TRAPPC9: variants seen among roughly 807,000 people sequenced by gnomAD.
TRAPPC9 encodes the protein IKK2 binding protein.
Under a neutral mutation model 124.0 loss-of-function variants are expected in TRAPPC9, and 83 were observed. That is an observed-to-expected ratio of 0.67 (90% CI 0.56 to 0.80). The LOEUF (loss-of-function observed/expected upper bound fraction) is 0.80. Among genes scored for constraint, TRAPPC9 ranks in the 30% least tolerant of loss-of-function variants. The pLI is 0.00. For missense variants in TRAPPC9, 1,302 were observed against 1,508.3 expected (o/e 0.86, Z 2.27); for synonymous variants, 638 against 617.5 (o/e 1.03, Z -0.49).
intron 17 of TRAPPC9, among the ~76,000 whole-genome samples, chr8:140,193,355 G>T (rs2062541114): frequency 6.6e-6 from 1 of 152,082 alleles, no homozygotes; most frequent in Non-Finnish European, 1.5e-5. Flanking sequence ...TCATGAACAC[G>T]AATTTCACCC....
chr8:139,882,130 A>G (rs896437285), intron 21 of TRAPPC9, among the ~76,000 whole-genome samples: 1 of 152,282 alleles, frequency 6.6e-6, no homozygotes, highest in Non-Finnish European at 1.5e-5. Flanking sequence ...AAATATCTGC[A>G]TAAAAGACTC....
chr8:139,953,223 G>A (rs954060474), intron 19 of TRAPPC9, among the ~76,000 whole-genome samples: 10 of 152,214 alleles, frequency 6.6e-5, no homozygotes, highest in African/African-American at 1.2e-4. Flanking sequence ...CAGGAGTTGC[G>A]GCTCACGCCT....
chr8:139,914,213 C>G (rs940321167), intron 19 of TRAPPC9: 1 of 152,474 alleles, frequency 6.6e-6, no homozygotes, highest in Non-Finnish European at 1.5e-5. Flanking sequence ...CGGTGGGTGG[C>G]TGGAGAGATG....
In TRAPPC9 at chr8:140,275,831, G is replaced by T. The variant is rs1202649797; in HGVS notation, c.2115-10C>A. On this transcript the variant is annotated splice_polypyrimidine_tract_variant and intron_variant, in intron 14 of 22. Coordinates refer to ENST00000438773, the MANE Select transcript of TRAPPC9 (RefSeq NM_001160372.4). ...CAATGAATGTGCAGATCTAAAATAAGAAGAAGAAATTTAAAGAAGAAAGAA... is the reference window on the plus strand; with the variant it reads ...CAATGAATGTGCAGATCTAAAATAATAAGAAGAAATTTAAAGAAGAAAGAA... 6.8e-6 allele frequency: 11 copies of T among 1,606,848 alleles called. No homozygotes were observed. In the South Asian group the frequency reaches 1.2e-4, roughly 18 times the overall value.
In TRAPPC9 at chr8:140,332,895, G is replaced by A. The variant is rs150765875; in HGVS notation, c.1496-21521C>T. On this transcript the variant is annotated intron_variant, in intron 9 of 22. Coordinates refer to ENST00000438773, the MANE Select transcript of TRAPPC9 (RefSeq NM_001160372.4). ...TCAAACCTGTAATCCCAGAACTTTGGGAGGCCAGGTGGGAGGATCACGAGT... is the reference window on the plus strand; with the variant it reads ...TCAAACCTGTAATCCCAGAACTTTGAGAGGCCAGGTGGGAGGATCACGAGT... 1.2e-3 allele frequency among the ~76,000 whole-genome samples: 185 copies of A among 152,240 alleles called. 1 individual carries two copies. The highest frequency in any genetic ancestry group is 4.0e-3 in the African/African-American group (166 of 41,550).
At position 139,824,498 on chromosome 8, in the gene TRAPPC9, G is replaced by A. The variant is rs918006616; in HGVS notation, c.3055+61381C>T. Among the ~76,000 whole-genome samples the A allele has an allele frequency of 2.6e-5, 4 of 152,228 alleles. No homozygotes were observed. The East Asian group carries it at 5.8e-4, about 22-fold the overall frequency. ...CGACTTTCCAAAGGATGCTCCATGGGAACACCCGTTTTAAGGGATTTAATG... is the reference window on the plus strand; with the variant it reads ...CGACTTTCCAAAGGATGCTCCATGGAAACACCCGTTTTAAGGGATTTAATG... On this transcript the variant is annotated intron_variant, in intron 21 of 22. Transcript: ENST00000438773.
intron 21 of TRAPPC9, among the ~76,000 whole-genome samples, chr8:139,877,867 A>G (rs1386370714): frequency 6.6e-6 from 1 of 152,206 alleles, no homozygotes; most frequent in Admixed American, 6.5e-5. Flanking sequence ...AGCTGAAGTC[A>G]AGACTCACCA....
chr8:140,300,548 C>G lies in TRAPPC9; in HGVS notation c.1689G>C (p.Gln563His). The change falls in exon 11 of 23, where the codon CAG (glutamine) becomes CAC (histidine). Residue 563 changes from glutamine (Q) to histidine (H), a missense_variant. By Grantham distance (24) the Gln-to-His change is conservative. Coordinates refer to ENST00000438773, the MANE Select transcript of TRAPPC9 (RefSeq NM_001160372.4). ...TGAAAGGACTTTTGGTTGACACGTT[C>G]TGACCCAGCAAGCTTTTCATTTTGT... ...RPHKMKSLLG[Q>H]NVSTKSPFIY... 2 of 1,614,248 alleles carry G rather than the reference C, an allele frequency of 1.2e-6. No individual in the cohort carries two copies. Among genetic ancestry groups the G allele is most frequent in the Non-Finnish European group, 1.7e-6 (2 of 1,180,036 alleles).
intron 19 of TRAPPC9, among the ~76,000 whole-genome samples, chr8:139,929,230 A>G (rs1219569658): frequency 6.6e-6 from 1 of 152,246 alleles, no homozygotes; most frequent in Non-Finnish European, 1.5e-5. Context: ...ACAGGTAGGA[A>G]CCATGACTGT....
chr8:140,167,979 A>G (rs2061877855), intron 17 of TRAPPC9, among the ~76,000 whole-genome samples: 1 of 152,232 alleles, frequency 6.6e-6, no homozygotes, highest in South Asian at 2.1e-4. Flanking sequence ...TTTTGCAGAA[A>G]TCTATGCAGC....
intron 6 of TRAPPC9, among the ~76,000 whole-genome samples, chr8:140,404,513 C>A (rs2069401930): frequency 6.6e-6 from 1 of 152,112 alleles, no homozygotes; most frequent in Non-Finnish European, 1.5e-5. Flanking sequence ...CTGAAAGAAG[C>A]AAGCAGGATT....
chr8:139,972,015 G>C (rs1235993053), intron 19 of TRAPPC9, among the ~76,000 whole-genome samples: 3 of 151,752 alleles, frequency 2.0e-5, no homozygotes, highest in Admixed American at 6.6e-5. Context: ...AGTAGAGATG[G>C]GGGTTTCACC....
rs369114473 is a variant in TRAPPC9, at chr8:140,337,424, A to G, written c.1495+22626T>C. 2.6e-5 allele frequency among the ~76,000 whole-genome samples: 4 copies of G among 152,200 alleles called. No homozygotes were observed. In the East Asian group the frequency reaches 5.8e-4, roughly 22 times the overall value. ...GATAAAACAGGAAGAACATTCTAAG[A>G]AGATAAATACTGGCTGGGTGAGTGA... On this transcript the variant is annotated intron_variant, in intron 9 of 22. Coordinates refer to ENST00000438773, the MANE Select transcript of TRAPPC9 (RefSeq NM_001160372.4).
intron 21 of TRAPPC9, among the ~76,000 whole-genome samples, chr8:139,804,481 ACAC>A (rs1436484409): frequency 1.1e-3 from 88 of 80,470 alleles, no homozygotes; most frequent in Admixed American, 1.9e-3. Context: ...CCACCACCAA[ACAC>A]CACCACCACA....
chr8:139,796,148 G>A lies in TRAPPC9; in HGVS notation c.3056-63946C>T, dbSNP rs866462846. 2.0e-5 allele frequency among the ~76,000 whole-genome samples: 3 copies of A among 151,578 alleles called. No individual in the cohort carries two copies. The Middle Eastern group carries it at 0.01, about 516-fold the overall frequency. On this transcript the variant is annotated intron_variant, in intron 21 of 22. Coordinates refer to ENST00000438773, the MANE Select transcript of TRAPPC9 (RefSeq NM_001160372.4). ...AGGAAGAGGAGAAGGAGGAGGAAGA[G>A]GAGGAGGAAGAGGAGGAGGAGGAGG...
intron 18 of TRAPPC9, among the ~76,000 whole-genome samples, chr8:139,999,504 T>C (rs1238549593): frequency 1.3e-5 from 2 of 152,070 alleles, no homozygotes; most frequent in Non-Finnish European, 2.9e-5. Flanking sequence ...CTCTCAGTAA[T>C]TGATAGAACA....
At chr8:140,447,961 A>G (rs928074448) in intron 2 of TRAPPC9, among the ~76,000 whole-genome samples, 6 of 152,080 alleles carry the variant, frequency 3.9e-5, no homozygotes, top group Non-Finnish European at 5.9e-5. Context: ...CCTGGCCAAC[A>G]TGGTGAAACC....
intron 19 of TRAPPC9, among the ~76,000 whole-genome samples, chr8:139,986,717 A>C (rs1446281706): frequency 6.6e-6 from 1 of 152,206 alleles, no homozygotes; most frequent in Non-Finnish European, 1.5e-5. Flanking sequence ...TTCTGCTATA[A>C]AGCTGATACA....
chr8:140,191,811 A>T (rs2062497461), intron 17 of TRAPPC9, among the ~76,000 whole-genome samples: 1 of 152,212 alleles, frequency 6.6e-6, no homozygotes, highest in Non-Finnish European at 1.5e-5. Flanking sequence ...GCTGTCCACG[A>T]AAAGGCAGAG....
Sources: allele counts gnomAD v4.1 joint callset (sites outside exome capture counted in the v4.1 genomes callset), GRCh38; gene constraint gnomAD v4.1.1; transcripts MANE v1.5; gene names NCBI Gene and HGNC (gene_info 2026-07-23, HGNC 2026-07-21).